Variants in LRRC69 observed in about 807,000 individuals in gnomAD.
LRRC69 encodes the protein leucine-rich repeat-containing protein 69.
A neutral mutation model predicts 37.8 loss-of-function variants in LRRC69; 42 were observed. The observed-to-expected ratio is 1.11, with a 90% CI of 0.87 to 1.44. The LOEUF (loss-of-function observed/expected upper bound fraction) is 1.44. Ranked by LOEUF, LRRC69 falls within the 40% of genes most tolerant of loss-of-function variation. The pLI is 0.00. For synonymous variants in LRRC69, 141 were observed against 143.1 expected (o/e 0.99, Z 0.11); for missense variants, 357 against 401.9 (o/e 0.89, Z 0.96).
intron 6 of LRRC69, among the ~76,000 whole-genome samples, chr8:91,200,228 G>C (rs1809689225): frequency 6.6e-6 from 1 of 152,196 alleles, no homozygotes; most frequent in Non-Finnish European, 1.5e-5. Context: ...TTAGACCTTA[G>C]TGAACATGAC....
chr8:91,189,133 T>G (rs1809450609), intron 5 of LRRC69, among the ~76,000 whole-genome samples: 1 of 152,208 alleles, frequency 6.6e-6, no homozygotes, highest in South Asian at 2.1e-4. Flanking sequence ...TTGGTGTATG[T>G]TAGGATGTTA....
chr8:91,148,903 A>G (rs902655352), intron 5 of LRRC69, among the ~76,000 whole-genome samples: 4 of 150,206 alleles, frequency 2.7e-5, no homozygotes, highest in African/African-American at 1.0e-4. Context: ...GTCTGTTCAT[A>G]TCGTTCACCC....
chr8:91,104,299 T>G (rs1301191566), intron 1 of LRRC69, among the ~76,000 whole-genome samples: 5 of 151,976 alleles, frequency 3.3e-5, no homozygotes, highest in African/African-American at 1.2e-4. Context: ...CCTCACAAAC[T>G]CTGAAGTTTT....
Position 91,173,959 on chromosome 8 carries a change from C to G in LRRC69, c.652-15563C>G, listed in dbSNP as rs1809178311. The stretch of plus-strand genomic sequence containing the variant: ...AAAAAAAAAGAAGAAAAAACAAAAG[C>G]TGATCCTAACAAGGACTTTTTATTG... On this transcript the variant is annotated intron_variant, in intron 5 of 7. Coordinates refer to ENST00000448384, the Ensembl canonical transcript of LRRC69. Among the ~76,000 whole-genome samples the G allele has an allele frequency of 2.3e-5, 3 of 127,878 alleles. No individual in the cohort carries two copies. The South Asian group carries it at 8.2e-4, about 35-fold the overall frequency. 83.9% of individuals were successfully genotyped at this position (127,878 alleles called of 152,430 possible).
At chr8:91,126,737 ATAT>A (rs1813722743) in intron 2 of LRRC69, among the ~76,000 whole-genome samples, 1 of 152,022 alleles carries the variant, frequency 6.6e-6, no homozygotes, top group African/African-American at 2.4e-5. Flanking sequence ...AGCGGGTAAG[ATAT>A]TATAAATACG....
intron 5 of LRRC69, among the ~76,000 whole-genome samples, chr8:91,188,571 G>C (rs1192261962): frequency 6.6e-6 from 1 of 152,058 alleles, no homozygotes; most frequent in East Asian, 1.9e-4. Context: ...CTTAAGATAG[G>C]TCATATGTCC....
intron 5 of LRRC69, among the ~76,000 whole-genome samples, chr8:91,154,857 T>C (rs1415718889): frequency 6.6e-6 from 1 of 151,566 alleles, no homozygotes; most frequent in Non-Finnish European, 1.5e-5. Context: ...CAATGTAGTA[T>C]TGGAAATTCT....
chr8:91,161,633 G>C (rs1333361200), intron 5 of LRRC69, among the ~76,000 whole-genome samples: 4 of 151,196 alleles, frequency 2.6e-5, no homozygotes, highest in Admixed American at 6.6e-5. Context: ...TGATATTAAT[G>C]TGTCTCCTTT....
At chr8:91,146,837 T>G (rs149339027) in intron 5 of LRRC69, among the ~76,000 whole-genome samples, 3 of 151,916 alleles carry the variant, frequency 2.0e-5, no homozygotes, top group Admixed American at 6.6e-5. Context: ...CCAGGGATAT[T>G]TGACAATGTC....
intron 5 of LRRC69, chr8:91,158,872 G>C (rs1440922556): frequency 4.8e-5 from 30 of 620,078 alleles, no homozygotes; most frequent in Middle Eastern, 8.8e-4. Context: ...AAGAAGACTG[G>C]AAACATACAA....
chr8:91,133,039 G>A (rs1484162291), intron 3 of LRRC69, 71 bp from the exon 4 acceptor site: 1 of 864,058 alleles, frequency 1.2e-6, no homozygotes, highest in Admixed American at 3.5e-5. Flanking sequence ...CTTCTGCTAA[G>A]TTGGGCCTAT....
chr8:91,185,303 C>A (rs1435261237), intron 5 of LRRC69, among the ~76,000 whole-genome samples: 2 of 152,066 alleles, frequency 1.3e-5, no homozygotes, highest in Admixed American at 6.6e-5. Flanking sequence ...TTCTCCCTGA[C>A]TAGAATGAGG....
intron 5 of LRRC69, chr8:91,157,501 G>T: frequency 1.3e-6 from 2 of 1,567,878 alleles, no homozygotes; most frequent in Non-Finnish European, 8.8e-7. Flanking sequence ...ACAGAAAGAT[G>T]TAGACAAGGA....
intron 5 of LRRC69, among the ~76,000 whole-genome samples, chr8:91,145,467 T>A (rs1159330509): frequency 6.6e-6 from 1 of 151,926 alleles, no homozygotes; most frequent in Non-Finnish European, 1.5e-5. Flanking sequence ...CTGTTTAATG[T>A]TAAGGAAAAG....
At chr8:91,195,275 A>G (rs1173430618) in intron 6 of LRRC69, among the ~76,000 whole-genome samples, 2 of 151,676 alleles carry the variant, frequency 1.3e-5, no homozygotes, top group East Asian at 1.9e-4. Context: ...TGTGTGGTCA[A>G]TTTTGGAATA....
chr8:91,191,752 G>A (rs1229462461), intron 6 of LRRC69, among the ~76,000 whole-genome samples: 1 of 152,152 alleles, frequency 6.6e-6, no homozygotes, highest in Non-Finnish European at 1.5e-5. Flanking sequence ...GAGCCTTCAA[G>A]GACAAGAACC....
chr8:91,162,015 T>C (rs1808953754), intron 5 of LRRC69, among the ~76,000 whole-genome samples: 2 of 151,440 alleles, frequency 1.3e-5, no homozygotes, highest in African/African-American at 4.8e-5. Flanking sequence ...TTATTCACCT[T>C]TGGTGACTCA....
chr8:91,191,968 T>C (rs1184217856), intron 6 of LRRC69, among the ~76,000 whole-genome samples: 2 of 149,726 alleles, frequency 1.3e-5, no homozygotes, highest in African/African-American at 5.0e-5. Flanking sequence ...TAGCATTAGG[T>C]ATATCTCCCA....
At position 91,157,337 on chromosome 8, in the gene LRRC69, G is replaced by T. The variant is rs1808854387; in HGVS notation, c.651+21598G>T. 4 of 1,608,590 alleles carry T rather than the reference G, an allele frequency of 2.5e-6. No homozygotes were observed. The East Asian group carries it at 8.9e-5, about 36-fold the overall frequency. ...CCCACAGAAACATTCACCTATGAATGGACTGTCCCCAAAGAAGTAGGACCC... is the reference window on the plus strand; with the variant it reads ...CCCACAGAAACATTCACCTATGAATTGACTGTCCCCAAAGAAGTAGGACCC... On this transcript the variant is annotated intron_variant, in intron 5 of 7. Coordinates refer to ENST00000448384, the Ensembl canonical transcript of LRRC69.
Sources: allele counts gnomAD v4.1 joint callset (sites outside exome capture counted in the v4.1 genomes callset), GRCh38; gene constraint gnomAD v4.1.1; transcripts MANE v1.5; gene names NCBI Gene and HGNC (gene_info 2026-07-23, HGNC 2026-07-21).